TWF2: variants seen among roughly 807,000 people sequenced by gnomAD.
TWF2 encodes twinfilin actin binding protein 2, also known as twinfilin-2.
Under a neutral mutation model 45.1 loss-of-function variants are expected in TWF2, and 15 were observed. That is an observed-to-expected ratio of 0.33 (90% confidence interval 0.22 to 0.51). The LOEUF (loss-of-function observed/expected upper bound fraction) is 0.51, where lower values mean the gene tolerates loss of function less well. Among genes scored for constraint, TWF2 ranks in the 20% least tolerant of loss-of-function variants. The probability of loss-of-function intolerance (pLI) is 0.97; values close to 1 mark genes in which losing one functional copy is unlikely to be tolerated. For synonymous variants in TWF2, 177 were observed against 195.8 expected, an observed-to-expected ratio of 0.90 and a Z score of 0.80; for missense variants, 423 against 469.1, an observed-to-expected ratio of 0.90 and a Z score of 0.91.
intron 1 of TWF2, among the ~76,000 whole-genome samples, chr3:52,237,616 C>G (rs528692898): frequency 1.3e-5 from 2 of 152,290 alleles, no homozygotes; most frequent in South Asian, 4.1e-4. Context: ...GGGCTGGAGG[C>G]TGGGAGGCAG....
At position 52,229,033 on chromosome 3, in the gene TWF2, CCTAG is replaced by C; in HGVS notation, c.1047_1050del (p.Ser349ArgfsTer97). The C allele has an allele frequency of 6.2e-7, 1 of 1,611,224 alleles. No homozygotes were observed. Among genetic ancestry groups the C allele is most frequent in the Non-Finnish European group, 8.5e-7 (1 of 1,179,662 alleles). On this transcript the variant is annotated frameshift_variant and stop_lost, in exon 9 of 9. Coordinates refer to ENST00000305533, the MANE Select transcript of TWF2 (RefSeq NM_007284.4). LOFTEE classifies it high-confidence loss of function. The stretch of plus-strand genomic sequence containing the variant: ...CACGTGGCCGGCCCTGCTCCAGCCT[CCTAG>C]CTGTCATCCCCATTTTCACCCGGGC...
intron 2 of TWF2, among the ~76,000 whole-genome samples, chr3:52,234,387 A>C (rs1178902272): frequency 6.6e-6 from 1 of 152,162 alleles, no homozygotes; most frequent in Admixed American, 6.5e-5. Context: ...AATCCTCCTC[A>C]GTTTAATCCT....
rs1272372500 is a variant in TWF2, at chr3:52,228,991, G to A, written c.*43C>T. 1.9e-6 allele frequency: 3 copies of A among 1,580,576 alleles called. No homozygotes were observed. The highest frequency in any genetic ancestry group is 1.4e-5 in the African/African-American group (1 of 74,070). Reference sequence around the variant, plus strand: ...GGATGGTGGCAGGGAGCGGAAGGTGGGCAGCCCCACAGTCCACACGTGGCC... The same window carrying A: ...GGATGGTGGCAGGGAGCGGAAGGTGAGCAGCCCCACAGTCCACACGTGGCC... On this transcript the variant is annotated 3_prime_UTR_variant, in exon 9 of 9. Coordinates refer to ENST00000305533, the MANE Select transcript of TWF2 (RefSeq NM_007284.4).
At position 52,239,138 on chromosome 3, in the gene TWF2, C is replaced by T. The variant is rs1699757499; in HGVS notation, c.-122G>A. 7.8e-7 allele frequency: 1 copy of T among 1,285,032 alleles called. No homozygotes were observed. The allele number at this position is 1,285,032 out of a possible 1,614,324, so 79.6% of individuals were successfully genotyped here. The stretch of plus-strand genomic sequence containing the variant: ...AGGCTGTCGACCCTCGCGCAGCTTC[C>T]CGGGCGGTGCCGCAGGACCCGCCCC... On this transcript the variant is annotated 5_prime_UTR_variant, in exon 1 of 9. Coordinates refer to ENST00000305533, the MANE Select transcript of TWF2 (RefSeq NM_007284.4).
At position 52,228,841 on chromosome 3, in the gene TWF2, G is replaced by T; in HGVS notation, c.*193C>A. The T allele has an allele frequency of 2.4e-6, 2 of 844,630 alleles. No individual in the cohort carries two copies. Among genetic ancestry groups the T allele is most frequent in the Non-Finnish European group, 3.5e-6 (2 of 564,666 alleles). The allele number at this position is 844,630 out of a possible 1,614,324, so 52.3% of individuals were successfully genotyped here. On this transcript the variant is annotated 3_prime_UTR_variant, in exon 9 of 9. Transcript: ENST00000305533. ...CCGGACACCCTGGGCACACAGACGA[G>T]ATGCAGGGACAGCAACAGGGAAGGG... is the stretch of plus-strand genomic sequence containing the variant.
At chr3:52,232,261 A>G in intron 2 of TWF2, 139 bp from the exon 3 acceptor site, 4 of 1,113,126 alleles carry the variant, frequency 3.6e-6, no homozygotes, top group Non-Finnish European at 5.0e-6. Context: ...CCCAGGTCCC[A>G]GAAGTGTGAG....
intron 1 of TWF2, among the ~76,000 whole-genome samples, chr3:52,235,918 TGTGGGGG>T (rs1699721482): frequency 6.6e-6 from 1 of 152,178 alleles, no homozygotes; most frequent in South Asian, 2.1e-4. Flanking sequence ...GATACAGCCC[TGTGGGGG>T]GTGGGGGGAC....
chr3:52,238,373 G>C (rs773198668), intron 1 of TWF2, among the ~76,000 whole-genome samples: 11 of 152,174 alleles, frequency 7.2e-5, no homozygotes, highest in Admixed American at 1.3e-4. Context: ...GAGAGTGAGT[G>C]TCCTGGGAGG....
chr3:52,230,745 A>G (rs1699669878), intron 6 of TWF2, 125 bp downstream of exon 6: 3 of 1,409,684 alleles, frequency 2.1e-6, no homozygotes, highest in East Asian at 2.5e-5. Flanking sequence ...CCACAAGCAC[A>G]TGGACGAGCT....
At position 52,228,634 on chromosome 3, in the gene TWF2, T is replaced by C; in HGVS notation, c.*400A>G. The C allele has an allele frequency of 5.5e-6, 1 of 181,536 alleles. No homozygotes were observed. The highest frequency in any genetic ancestry group is 5.8e-5 in the Admixed American group (1 of 17,174). 11.2% of individuals were successfully genotyped at this position (181,536 alleles called of 1,614,324 possible). A position where few individuals can be genotyped will look rare whatever the true frequency, so the allele number is the denominator to read the frequency against. ...GTCTTGATTTAAAAATATTTTATTC[T>C]TTAGAAAATACAGCATTCAACCATC... On this transcript the variant is annotated 3_prime_UTR_variant, in exon 9 of 9. Coordinates refer to ENST00000305533, the MANE Select transcript of TWF2 (RefSeq NM_007284.4).
chr3:52,232,035 T>C lies in TWF2; in HGVS notation c.191A>G (p.Gln64Arg), dbSNP rs772921841. 1 of 1,613,974 alleles carries C rather than the reference T, an allele frequency of 6.2e-7. No individual in the cohort carries two copies. ...GCGGTAGAGCAGGTAGCAGGGCTGC[T>C]GGGCGTCCAGCAGTGGCAGCACGGC... Reference protein sequence around the residue: ...DRAVLPLLDAQQPCYLLYRLD... With the variant: ...DRAVLPLLDARQPCYLLYRLD... The change falls in exon 3 of 9, where the codon CAG (glutamine) becomes CGG (arginine). Residue 64 changes from glutamine to arginine, a missense_variant. Coordinates refer to ENST00000305533, the MANE Select transcript of TWF2 (RefSeq NM_007284.4).
At chr3:52,232,366 A>C (rs352142) in intron 2 of TWF2, 28,715 of 460,334 alleles carry the variant, frequency 0.062, 967 homozygotes, top group African/African-American at 0.13. Flanking sequence ...ACACCCCCCC[A>C]CACACACACA....
intron 2 of TWF2, among the ~76,000 whole-genome samples, chr3:52,232,716 C>T (rs141964257): frequency 2.6e-5 from 4 of 152,290 alleles, no homozygotes; most frequent in South Asian, 2.1e-4. Context: ...GCAGTCCCCT[C>T]GAAAATGTCA....
chr3:52,228,901 G>C lies in TWF2; in HGVS notation c.*133C>G. The C allele has an allele frequency of 7.3e-7, 1 of 1,376,184 alleles. No homozygotes were observed. The highest frequency in any genetic ancestry group is 9.7e-7 in the Non-Finnish European group (1 of 1,025,716). The allele number at this position is 1,376,184 out of a possible 1,614,324, so 85.2% of individuals were successfully genotyped here. A position where few individuals can be genotyped will look rare whatever the true frequency, so the allele number is the denominator to read the frequency against. ...GCCAGCCCGGTGGCCCTCGGACGCT[G>C]CAAGTGCGTTCAGCTGCCAGCCCTC... On this transcript the variant is annotated 3_prime_UTR_variant, in exon 9 of 9. Coordinates refer to ENST00000305533, the MANE Select transcript of TWF2 (RefSeq NM_007284.4).
At chr3:52,234,763 C>T (rs1699709770) in intron 2 of TWF2, among the ~76,000 whole-genome samples, 1 of 152,226 alleles carries the variant, frequency 6.6e-6, no homozygotes, top group South Asian at 2.1e-4. Flanking sequence ...ATCCATGCAG[C>T]CTCTGGGAGG....
intron 1 of TWF2, 70 bp downstream of exon 1, chr3:52,238,922 C>T (rs1211983875): frequency 2.2e-6 from 3 of 1,385,994 alleles, no homozygotes; most frequent in Non-Finnish European, 1.9e-6. Context: ...AGGGAGGGGC[C>T]GAGAGCCGGG....
intron 1 of TWF2, among the ~76,000 whole-genome samples, chr3:52,235,654 T>G (rs1699719015): frequency 6.6e-6 from 1 of 152,030 alleles, no homozygotes; most frequent in Admixed American, 6.5e-5. Flanking sequence ...GAACACATGC[T>G]CAGTTGCTCA....
chr3:52,233,629 C>G (rs1303673438), intron 2 of TWF2, among the ~76,000 whole-genome samples: 1 of 152,152 alleles, frequency 6.6e-6, no homozygotes, highest in Admixed American at 6.5e-5. Flanking sequence ...ATTCCTCCTG[C>G]TTAAAATCTT....
Position 52,231,226 on chromosome 3 carries a change from G to A in TWF2, c.384C>T (p.Asp128=). ...GTTTCTGGTACCCAGCAAAAGAGAGGTCATCCTGCAGGGGTGGGGGTGAAT... is the reference window on the plus strand; with the variant it reads ...GTTTCTGGTACCCAGCAAAAGAGAGATCATCCTGCAGGGGTGGGGGTGAAT... ...KDELFGTVKD[D]LSFAGYQKHL... is the part of the protein sequence containing the mutation. Residue 128 remains aspartate (D), a synonymous_variant, in exon 5 of 9, where the codon GAC becomes GAT. Transcript: ENST00000305533. 6.2e-7 allele frequency: 1 copy of A among 1,614,058 alleles called. No homozygotes were observed. Among genetic ancestry groups the A allele is most frequent in the East Asian group, 2.2e-5 (1 of 44,872 alleles).
Sources: allele counts gnomAD v4.1 joint callset (sites outside exome capture counted in the v4.1 genomes callset), GRCh38; gene constraint gnomAD v4.1.1; transcripts MANE v1.5; gene names NCBI Gene and HGNC (gene_info 2026-07-23, HGNC 2026-07-21).